Variants in RPSA2 observed in about 807,000 individuals in gnomAD.
RPSA2 encodes small ribosomal subunit protein uS2B.
chr19:23,868,251 G>C, the RPSA2 span, among the ~76,000 whole-genome samples: 1 of 152,060 alleles, frequency 6.6e-6, no homozygotes, highest in Non-Finnish European at 1.5e-5. Context: ...GATAAGCCTC[G>C]ATTTGCCTTC....
At chr19:23,861,871 C>T in the RPSA2 span, among the ~76,000 whole-genome samples, 102 of 152,166 alleles carry the variant, frequency 6.7e-4, no homozygotes, top group African/African-American at 2.3e-3. Context: ...CTTGATGTGC[C>T]TAATAGGGAG....
At chr19:23,855,719 C>T in the RPSA2 span, among the ~76,000 whole-genome samples, 49 of 152,156 alleles carry the variant, frequency 3.2e-4, no homozygotes, top group Admixed American at 7.2e-4. Context: ...TGATTATTGG[C>T]GTCCATGCAT....
the RPSA2 span, among the ~76,000 whole-genome samples, chr19:23,779,345 C>T: frequency 2.0e-5 from 3 of 152,146 alleles, no homozygotes; most frequent in East Asian, 5.8e-4. Context: ...GACTCTTCTC[C>T]ATTGCTTGGA....
At chr19:23,832,682 C>A in the RPSA2 span, 1 of 1,495,372 alleles carries the variant, frequency 6.7e-7, no homozygotes. Flanking sequence ...ATTACCCTAA[C>A]TGGTCATAAG....
At chr19:23,769,146 C>T in the RPSA2 span, among the ~76,000 whole-genome samples, 2 of 152,198 alleles carry the variant, frequency 1.3e-5, no homozygotes, top group South Asian at 4.1e-4. Flanking sequence ...GGGACCTGTC[C>T]ACAGTGGGGA....
chr19:23,845,922 A>G, the RPSA2 span, among the ~76,000 whole-genome samples: 2 of 152,144 alleles, frequency 1.3e-5, no homozygotes, highest in Non-Finnish European at 2.9e-5. Flanking sequence ...CTAAGTAGGT[A>G]GTTGATATAA....
At chr19:23,796,712 T>C in the RPSA2 span, among the ~76,000 whole-genome samples, 2 of 152,072 alleles carry the variant, frequency 1.3e-5, no homozygotes, top group African/African-American at 4.8e-5. Context: ...TTTCATTTTT[T>C]TTAGATTTTC....
the RPSA2 span, among the ~76,000 whole-genome samples, chr19:23,845,286 C>A: frequency 7.8e-6 from 1 of 127,394 alleles, no homozygotes; most frequent in African/African-American, 2.9e-5. Context: ...TTTTTTTTTT[C>A]TTCTTCTAAC....
chr19:23,804,552 C>T, the RPSA2 span, among the ~76,000 whole-genome samples: 2 of 151,904 alleles, frequency 1.3e-5, no homozygotes, highest in Non-Finnish European at 2.9e-5. Context: ...GTCTCGGCCT[C>T]CCAAAGTGCT....
At chr19:23,792,875 C>G in the RPSA2 span, among the ~76,000 whole-genome samples, 1 of 151,928 alleles carries the variant, frequency 6.6e-6, no homozygotes, top group African/African-American at 2.4e-5. Flanking sequence ...GAAAAGCAAA[C>G]AAGATTAGAA....
chr19:23,800,027 CTTTTT>C, the RPSA2 span, among the ~76,000 whole-genome samples: 1 of 110,946 alleles, frequency 9.0e-6, no homozygotes, highest in Non-Finnish European at 1.9e-5. Flanking sequence ...TTTTCTTTTT[CTTTTT>C]TTTTTTTTTT....
At chr19:23,783,239 G>T in the RPSA2 span, among the ~76,000 whole-genome samples, 2 of 151,910 alleles carry the variant, frequency 1.3e-5, no homozygotes, top group Non-Finnish European at 2.9e-5. Context: ...GGAATTACAG[G>T]CATGCACCAC....
chr19:23,825,749 G>A, the RPSA2 span, among the ~76,000 whole-genome samples: 1 of 152,012 alleles, frequency 6.6e-6, no homozygotes, highest in South Asian at 2.1e-4. Flanking sequence ...AACATGCCTG[G>A]CTAATATTTT....
chr19:23,821,141 G>A, the RPSA2 span, among the ~76,000 whole-genome samples: 7 of 152,304 alleles, frequency 4.6e-5, no homozygotes, highest in East Asian at 1.2e-3. Context: ...ATAACCAATG[G>A]TGCCCTCTCT....
chr19:23,765,462 A>C, the RPSA2 span, among the ~76,000 whole-genome samples: 1 of 152,226 alleles, frequency 6.6e-6, no homozygotes, highest in South Asian at 2.1e-4. Context: ...ATCTATAAAA[A>C]AAAAATGAGA....
chr19:23,860,648 C>T, the RPSA2 span, among the ~76,000 whole-genome samples: 2 of 152,174 alleles, frequency 1.3e-5, no homozygotes, highest in Admixed American at 1.3e-4. Flanking sequence ...AGCCAGAATG[C>T]TAGTCTACTA....
chr19:23,762,603 G>C, the RPSA2 span, among the ~76,000 whole-genome samples: 1,861 of 151,502 alleles, frequency 0.012, 37 homozygotes, highest in Middle Eastern at 0.044. Flanking sequence ...TTGAACCTGG[G>C]AGGAGGAGGT....
chr19:23,833,254 CT>C, the RPSA2 span: 1 of 1,035,114 alleles, frequency 9.7e-7, no homozygotes, highest in Non-Finnish European at 1.2e-6. Flanking sequence ...ACCTTTAATC[CT>C]TACAACTTAA....
chr19:23,817,409 T>A, the RPSA2 span, among the ~76,000 whole-genome samples: 1 of 152,184 alleles, frequency 6.6e-6, no homozygotes, highest in Non-Finnish European at 1.5e-5. Context: ...ATATAAATTA[T>A]TTTGTGTATT....
Sources: gnomAD v4.1 joint callset for allele counts (sites outside exome capture counted in the v4.1 genomes callset) on GRCh38, gnomAD v4.1.1 for gene constraint, MANE v1.5 for transcripts, NCBI Gene and HGNC (gene_info 2026-07-23, HGNC 2026-07-21) for gene names.